The following NR3C2 variants were observed in gnomAD, a reference collection of about 807,000 sequenced individuals.
NR3C2 encodes the protein mineralocorticoid receptor.
Under a neutral mutation model 86.4 loss-of-function variants are expected in NR3C2, and 15 were observed. The observed-to-expected ratio is 0.17, with a 90% CI of 0.12 to 0.27. The LOEUF (loss-of-function observed/expected upper bound fraction) is 0.27, where lower values mean the gene tolerates loss of function less well. Ranked by LOEUF, NR3C2 falls within the 10% of genes least tolerant of loss-of-function variation. The pLI is 1.00. For missense variants in NR3C2, 960 were observed against 1,195.6 expected (o/e 0.80, Z 2.91); for synonymous variants, 458 against 450.5 (o/e 1.02, Z -0.21).
chr4:148,367,554 T>C (rs896306395), intron 2 of NR3C2, among the ~76,000 whole-genome samples: 5 of 152,170 alleles, frequency 3.3e-5, no homozygotes, highest in African/African-American at 1.2e-4. Flanking sequence ...GATATTAGCC[T>C]GAAATTTAAG....
intron 6 of NR3C2, among the ~76,000 whole-genome samples, chr4:148,138,067 G>A (rs758809912): frequency 1.2e-4 from 18 of 152,086 alleles, no homozygotes; most frequent in Non-Finnish European, 1.6e-4. Context: ...AGAAAAGCTC[G>A]TTAGGATTCT....
chr4:148,268,967 A>G (rs1485963670), intron 2 of NR3C2, among the ~76,000 whole-genome samples: 2 of 152,212 alleles, frequency 1.3e-5, no homozygotes, highest in Non-Finnish European at 2.9e-5. Context: ...GGACCATTGG[A>G]CAGGGCAAGC....
chr4:148,380,556 C>T (rs1746921402), intron 2 of NR3C2, among the ~76,000 whole-genome samples: 1 of 152,282 alleles, frequency 6.6e-6, no homozygotes, highest in Admixed American at 6.5e-5. Context: ...TTTTACATTC[C>T]CACCAGCAAT....
intron 4 of NR3C2, among the ~76,000 whole-genome samples, chr4:148,163,023 T>C (rs1734734106): frequency 6.6e-6 from 1 of 152,158 alleles, no homozygotes; most frequent in Non-Finnish European, 1.5e-5. Context: ...TTCAAAAACT[T>C]AAAGAGACAT....
chr4:148,434,122 G>A (rs1431804063), intron 2 of NR3C2, among the ~76,000 whole-genome samples: 1 of 152,084 alleles, frequency 6.6e-6, no homozygotes, highest in Non-Finnish European at 1.5e-5. Context: ...AATTTTTAAT[G>A]AAATAAAGGA....
chr4:148,332,813 G>A (rs1579170550), intron 2 of NR3C2, among the ~76,000 whole-genome samples: 1 of 152,160 alleles, frequency 6.6e-6, no homozygotes, highest in Non-Finnish European at 1.5e-5. Flanking sequence ...TTTAGACAAG[G>A]TTTTGATTTT....
intron 4 of NR3C2, among the ~76,000 whole-genome samples, chr4:148,182,654 A>T (rs1218730356): frequency 6.6e-6 from 1 of 152,218 alleles, no homozygotes; most frequent in Non-Finnish European, 1.5e-5. Flanking sequence ...AGATAACTGC[A>T]GATGCCAGCT....
chr4:148,375,028 A>G (rs1746602722), intron 2 of NR3C2, among the ~76,000 whole-genome samples: 1 of 152,232 alleles, frequency 6.6e-6, no homozygotes. Context: ...ACTGTATAAA[A>G]TAATTTTAAT....
At chr4:148,173,966 G>T (rs1164846757) in intron 4 of NR3C2, among the ~76,000 whole-genome samples, 1 of 152,212 alleles carries the variant, frequency 6.6e-6, no homozygotes, top group Non-Finnish European at 1.5e-5. Flanking sequence ...GGGTGAGGAA[G>T]AAGGCAAAGA....
intron 8 of NR3C2, among the ~76,000 whole-genome samples, chr4:148,112,382 A>C (rs996458650): frequency 6.6e-6 from 1 of 152,226 alleles, no homozygotes; most frequent in Non-Finnish European, 1.5e-5. Flanking sequence ...CCTCCATTCT[A>C]TTCTCTACTC....
chr4:148,233,707 T>C (rs1185893141), intron 3 of NR3C2, among the ~76,000 whole-genome samples: 1 of 152,054 alleles, frequency 6.6e-6, no homozygotes, highest in African/African-American at 2.4e-5. Flanking sequence ...ATGGAGGGAA[T>C]GGCTGGTTGG....
intron 3 of NR3C2, among the ~76,000 whole-genome samples, chr4:148,242,509 T>C (rs1739105956): frequency 6.6e-6 from 1 of 152,178 alleles, no homozygotes; most frequent in South Asian, 2.1e-4. Context: ...GTGAGAGGGG[T>C]CCACAGCATA....
intron 3 of NR3C2, among the ~76,000 whole-genome samples, chr4:148,223,690 C>T (rs1230328416): frequency 6.6e-6 from 1 of 152,042 alleles, no homozygotes; most frequent in Non-Finnish European, 1.5e-5. Flanking sequence ...AGAGGTAGAG[C>T]AGAGATATTT....
chr4:148,348,418 A>G (rs561373441), intron 2 of NR3C2, among the ~76,000 whole-genome samples: 79 of 152,298 alleles, frequency 5.2e-4, no homozygotes, highest in African/African-American at 1.8e-3. Context: ...CTTAGAAACT[A>G]TCTAGAGCAT....
At chr4:148,443,628 G>A (rs7671250), upstream of NR3C2, among the ~76,000 whole-genome samples, 133,545 of 152,102 alleles carry the variant, frequency 0.88, 58,733 homozygotes, top group Middle Eastern at 0.93. Context: ...GGCTTCTCAT[G>A]TAAGGCCCCG....
At chr4:148,366,615 A>C (rs997879895) in intron 2 of NR3C2, among the ~76,000 whole-genome samples, 7 of 150,028 alleles carry the variant, frequency 4.7e-5, no homozygotes, top group Admixed American at 1.3e-4. Context: ...AAAATGAAAC[A>C]ACATGTCTCT....
At chr4:148,195,975 T>C (rs986259940) in intron 3 of NR3C2, among the ~76,000 whole-genome samples, 17 of 152,164 alleles carry the variant, frequency 1.1e-4, no homozygotes, top group African/African-American at 3.4e-4. Flanking sequence ...TTGATATGAT[T>C]TACATTTCAC....
intron 2 of NR3C2, among the ~76,000 whole-genome samples, chr4:148,313,748 C>CT (rs955554925): frequency 2.6e-5 from 4 of 152,282 alleles, no homozygotes; most frequent in African/African-American, 9.6e-5. Context: ...ACCTTACTTA[C>CT]TACAGCCTGG....
intron 2 of NR3C2, among the ~76,000 whole-genome samples, chr4:148,396,503 A>C (rs1349574452): frequency 6.6e-6 from 1 of 152,250 alleles, no homozygotes; most frequent in Non-Finnish European, 1.5e-5. Flanking sequence ...TGAATGTTTT[A>C]ATTGCAAAAG....
Sources: allele counts gnomAD v4.1 joint callset (sites outside exome capture counted in the v4.1 genomes callset), GRCh38; gene constraint gnomAD v4.1.1; transcripts MANE v1.5; gene names NCBI Gene and HGNC (gene_info 2026-07-23, HGNC 2026-07-21).